The following BTBD9 variants were observed in gnomAD, a reference collection of about 807,000 sequenced individuals.
BTBD9 encodes BTB domain containing 9.
A neutral mutation model predicts 64.3 loss-of-function variants in BTBD9; 49 were observed. The ratio of observed to expected loss-of-function variants is 0.76; its 90% CI spans 0.61 to 0.97. The LOEUF (loss-of-function observed/expected upper bound fraction) is 0.97. Ranked by LOEUF, BTBD9 falls within the 50% of genes least tolerant of loss-of-function variation. The pLI is 0.00. For missense variants in BTBD9, 598 were observed against 762.1 expected, an observed-to-expected ratio of 0.78 and a Z score of 2.53; for synonymous variants, 260 against 274.7, an observed-to-expected ratio of 0.95 and a Z score of 0.53.
At chr6:38,373,918 C>T (rs138863831) in intron 6 of BTBD9, among the ~76,000 whole-genome samples, 9 of 152,170 alleles carry the variant, frequency 5.9e-5, no homozygotes, top group Admixed American at 2.6e-4. Flanking sequence ...GATATTAAGG[C>T]AAGCAACATT....
At chr6:38,463,720 A>G (rs1267340396) in intron 6 of BTBD9, among the ~76,000 whole-genome samples, 1 of 152,212 alleles carries the variant, frequency 6.6e-6, no homozygotes, top group Admixed American at 6.5e-5. Flanking sequence ...AAGTGACTGT[A>G]TTTGGAGACA....
chr6:38,592,539 A>C (rs1776845680), intron 4 of BTBD9, 37 bp downstream of exon 4: 1 of 1,605,354 alleles, frequency 6.2e-7, no homozygotes, highest in East Asian at 2.2e-5. Flanking sequence ...AGGCATACCA[A>C]GCTTCTTGGT....
intron 9 of BTBD9, among the ~76,000 whole-genome samples, chr6:38,228,336 C>T: frequency 7.9e-6 from 1 of 126,330 alleles, no homozygotes; most frequent in South Asian, 2.6e-4. Flanking sequence ...CAGGGCAAGA[C>T]CCTGTCCCCC....
chr6:38,465,803 A>T, intron 6 of BTBD9, among the ~76,000 whole-genome samples: 1 of 123,378 alleles, frequency 8.1e-6, no homozygotes, highest in African/African-American at 3.1e-5. Flanking sequence ...TGAGTGACTT[A>T]GGTAATTTTT....
At chr6:38,498,789 A>G (rs1262179725) in intron 6 of BTBD9, among the ~76,000 whole-genome samples, 2 of 152,106 alleles carry the variant, frequency 1.3e-5, no homozygotes, top group African/African-American at 4.8e-5. Flanking sequence ...GTAACCCCCC[A>G]CGCCCCACCC....
At chr6:38,346,360 C>T (rs753018158) in intron 6 of BTBD9, among the ~76,000 whole-genome samples, 14 of 152,176 alleles carry the variant, frequency 9.2e-5, no homozygotes, top group Non-Finnish European at 1.5e-4. Flanking sequence ...TTGACTCTCA[C>T]GGCATTCCCT....
chr6:38,344,968 T>C lies in BTBD9; in HGVS notation c.1264+16A>G. Reference sequence around the variant, plus strand: ...ATATCCAAATATACATACAAAAATCTAATGGTAATACTTACCTATCAGCCC... The same window carrying C: ...ATATCCAAATATACATACAAAAATCCAATGGTAATACTTACCTATCAGCCC... On this transcript the variant is annotated intron_variant, in intron 7 of 10. Coordinates refer to ENST00000481247, the MANE Select transcript of BTBD9 (RefSeq NM_001099272.2). 1 of 1,465,070 alleles carries C rather than the reference T, an allele frequency of 6.8e-7. No homozygotes were observed. Among genetic ancestry groups the C allele is most frequent in the Non-Finnish European group, 9.5e-7 (1 of 1,058,062 alleles). The allele number at this position is 1,465,070 out of a possible 1,614,324, so 90.8% of individuals were successfully genotyped here.
chr6:38,381,659 A>G (rs2127615153), intron 6 of BTBD9, among the ~76,000 whole-genome samples: 1 of 152,290 alleles, frequency 6.6e-6, no homozygotes, highest in African/African-American at 2.4e-5. Context: ...CAAGTACACA[A>G]AGGATTTTAT....
In BTBD9 at chr6:38,192,604, G is replaced by T; in HGVS notation, c.1563-7C>A. The T allele has an allele frequency of 6.2e-7, 1 of 1,613,334 alleles. No homozygotes were observed. Among genetic ancestry groups the T allele is most frequent in the Non-Finnish European group, 8.5e-7 (1 of 1,179,540 alleles). On this transcript the variant is annotated splice_polypyrimidine_tract_variant and splice_region_variant and intron_variant, in intron 9 of 10. Coordinates refer to ENST00000481247, the MANE Select transcript of BTBD9 (RefSeq NM_001099272.2). ...AGTTACTGACTGCCAGGACCTGTGA[G>T]AGGAAACAACCATTTGCCTGATTAG... is the stretch of plus-strand genomic sequence containing the variant.
At chr6:38,354,415 T>C (rs1764638684) in intron 6 of BTBD9, among the ~76,000 whole-genome samples, 1 of 152,182 alleles carries the variant, frequency 6.6e-6, no homozygotes, top group Non-Finnish European at 1.5e-5. Context: ...AATGAATATA[T>C]CTAATGTATA....
At chr6:38,398,412 G>C (rs963509909) in intron 6 of BTBD9, among the ~76,000 whole-genome samples, 8 of 152,074 alleles carry the variant, frequency 5.3e-5, no homozygotes, top group Non-Finnish European at 1.0e-4. Flanking sequence ...AGGAATATAA[G>C]GCCATACCAA....
At chr6:38,552,494 A>C (rs2127448709) in intron 6 of BTBD9, among the ~76,000 whole-genome samples, 1 of 152,270 alleles carries the variant, frequency 6.6e-6, no homozygotes, top group South Asian at 2.1e-4. Context: ...AAAAAATAAA[A>C]ATGGGCCGGG....
At chr6:38,470,327 T>C (rs1770594041) in intron 6 of BTBD9, among the ~76,000 whole-genome samples, 1 of 152,220 alleles carries the variant, frequency 6.6e-6, no homozygotes, top group Non-Finnish European at 1.5e-5. Flanking sequence ...AGTACAGGCC[T>C]GTGTATGCAC....
At chr6:38,244,884 C>T (rs1292878455) in intron 9 of BTBD9, among the ~76,000 whole-genome samples, 1 of 152,212 alleles carries the variant, frequency 6.6e-6, no homozygotes, top group African/African-American at 2.4e-5. Flanking sequence ...GTGTAGTTTA[C>T]AAGGACTACA....
intron 1 of BTBD9, among the ~76,000 whole-genome samples, 161 bp from the exon 2 acceptor site, chr6:38,598,282 G>T (rs991360172): frequency 1.3e-5 from 2 of 152,054 alleles, no homozygotes; most frequent in African/African-American, 4.8e-5. Flanking sequence ...TTTTGAGAAG[G>T]AATTCAGCCT....
intron 6 of BTBD9, among the ~76,000 whole-genome samples, chr6:38,421,443 A>C (rs1347935593): frequency 6.6e-6 from 1 of 152,260 alleles, no homozygotes; most frequent in Non-Finnish European, 1.5e-5. Flanking sequence ...ATTTGTTTTT[A>C]AACATGTGTT....
intron 8 of BTBD9, among the ~76,000 whole-genome samples, chr6:38,259,646 G>A (rs550943405): frequency 6.6e-6 from 1 of 152,162 alleles, no homozygotes; most frequent in African/African-American, 2.4e-5. Flanking sequence ...TCAAACTCCT[G>A]GCCTCAAGCT....
chr6:38,595,244 A>G (rs1271952723), intron 2 of BTBD9, among the ~76,000 whole-genome samples: 1 of 152,240 alleles, frequency 6.6e-6, no homozygotes, highest in Non-Finnish European at 1.5e-5. Context: ...AACTCTTAAC[A>G]TCACTTATTT....
chr6:38,539,773 T>C lies in BTBD9; in HGVS notation c.1154+37827A>G, dbSNP rs114934329. On this transcript the variant is annotated intron_variant, in intron 6 of 10. Coordinates refer to ENST00000481247, the MANE Select transcript of BTBD9 (RefSeq NM_001099272.2). ...ACAAATAAAATAGAAAGTAAACCAATTGTAAGAGATAAATGAGATTTGACT... is the reference window on the plus strand; with the variant it reads ...ACAAATAAAATAGAAAGTAAACCAACTGTAAGAGATAAATGAGATTTGACT... Among the ~76,000 whole-genome samples, 1,418 of 152,266 alleles carry C rather than the reference T, an allele frequency of 9.3e-3. 20 individuals are homozygous for C. Among genetic ancestry groups the C allele is most frequent in the Middle Eastern group, 0.024 (7 of 292 alleles).
Sources: allele counts gnomAD v4.1 joint callset (sites outside exome capture counted in the v4.1 genomes callset), GRCh38; gene constraint gnomAD v4.1.1; transcripts MANE v1.5; gene names NCBI Gene and HGNC (gene_info 2026-07-23, HGNC 2026-07-21).